GRID2: variants seen among roughly 807,000 people sequenced by gnomAD.
The protein encoded by GRID2 is glutamate ionotropic receptor delta type subunit 2.
In GRID2, 33 loss-of-function variants were observed where a neutral mutation model predicts 114.8. That is an observed-to-expected ratio of 0.29 (90% confidence interval 0.22 to 0.38). GRID2 has a LOEUF of 0.38. GRID2 is among the 10% of genes least tolerant of loss of function. The pLI is 1.00. For synonymous variants in GRID2, 505 were observed against 449.9 expected, an observed-to-expected ratio of 1.12 and a Z score of -1.55; for missense variants, 1,184 against 1,257.7, an observed-to-expected ratio of 0.94 and a Z score of 0.89.
At chr4:93,658,492 T>C (rs757891996) in intron 14 of GRID2, among the ~76,000 whole-genome samples, 3 of 152,130 alleles carry the variant, frequency 2.0e-5, no homozygotes, top group Non-Finnish European at 4.4e-5. Flanking sequence ...AACTACCGTG[T>C]TTTACAAATA....
At chr4:92,573,683 G>T (rs1489390305) in intron 1 of GRID2, among the ~76,000 whole-genome samples, 1 of 152,134 alleles carries the variant, frequency 6.6e-6, no homozygotes, top group Non-Finnish European at 1.5e-5. Context: ...GGGACTGTTT[G>T]TTATTATTTC....
At chr4:93,107,950 T>G (rs1397758108) in intron 3 of GRID2, among the ~76,000 whole-genome samples, 1 of 150,908 alleles carries the variant, frequency 6.6e-6, no homozygotes, top group Non-Finnish European at 1.5e-5. Flanking sequence ...TCTTCCTGTG[T>G]CTCACAGAGA....
chr4:92,921,472 G>C (rs562047578), intron 2 of GRID2, among the ~76,000 whole-genome samples: 66 of 152,036 alleles, frequency 4.3e-4, no homozygotes, highest in Non-Finnish European at 8.7e-4. Context: ...CCTCATCTTT[G>C]TGGTTTTATC....
intron 1 of GRID2, among the ~76,000 whole-genome samples, chr4:92,510,946 T>C (rs1338394643): frequency 6.6e-6 from 1 of 151,012 alleles, no homozygotes; most frequent in Non-Finnish European, 1.5e-5. Context: ...GTCTTAGAAG[T>C]CAAGTAAATA....
intron 8 of GRID2, among the ~76,000 whole-genome samples, chr4:93,293,908 T>C (rs1164501348): frequency 1.3e-5 from 2 of 152,208 alleles, no homozygotes; most frequent in Non-Finnish European, 1.5e-5. Context: ...AAGGAACTTA[T>C]ATTCTAGTGG....
chr4:92,692,778 T>G (rs1448607747), intron 2 of GRID2, among the ~76,000 whole-genome samples: 3 of 152,046 alleles, frequency 2.0e-5, no homozygotes, highest in Non-Finnish European at 4.4e-5. Context: ...ATCCCAGCAC[T>G]TTGGGAGGCA....
At chr4:92,458,463 C>G (rs898435005) in intron 1 of GRID2, among the ~76,000 whole-genome samples, 3 of 152,278 alleles carry the variant, frequency 2.0e-5, no homozygotes, top group East Asian at 3.9e-4. Flanking sequence ...GTCACAGTGG[C>G]ACATGGAGTC....
At chr4:92,488,520 T>C (rs1723000700) in intron 1 of GRID2, among the ~76,000 whole-genome samples, 1 of 152,126 alleles carries the variant, frequency 6.6e-6, no homozygotes. Context: ...TTCTAGACTC[T>C]CATATGAAGC....
At chr4:92,623,873 G>A (rs1366867957) in intron 2 of GRID2, among the ~76,000 whole-genome samples, 2 of 151,482 alleles carry the variant, frequency 1.3e-5, no homozygotes, top group African/African-American at 4.8e-5. Context: ...ATAATTTTTG[G>A]CAGTTTTTTC....
chr4:93,300,991 C>T (rs966588539), intron 8 of GRID2, among the ~76,000 whole-genome samples: 3 of 152,198 alleles, frequency 2.0e-5, no homozygotes, highest in Non-Finnish European at 4.4e-5. Flanking sequence ...TGATTTTTAA[C>T]TACTGGGTTT....
chr4:92,712,509 A>G (rs987131630), intron 2 of GRID2, among the ~76,000 whole-genome samples: 3 of 152,238 alleles, frequency 2.0e-5, no homozygotes, highest in African/African-American at 7.2e-5. Context: ...ATGGTTTCTA[A>G]TTATAGCGAA....
chr4:92,500,890 C>A (rs1219300987), intron 1 of GRID2, among the ~76,000 whole-genome samples: 1 of 152,088 alleles, frequency 6.6e-6, no homozygotes, highest in African/African-American at 2.4e-5. Context: ...ATCAGAGTCT[C>A]CCAGTACTAT....
chr4:93,396,064 T>G (rs1351783334), intron 9 of GRID2, among the ~76,000 whole-genome samples: 1 of 151,980 alleles, frequency 6.6e-6, no homozygotes, highest in African/African-American at 2.4e-5. Flanking sequence ...AAACTATAAA[T>G]GAACATAACC....
chr4:93,553,276 T>C (rs1464056992), intron 13 of GRID2, among the ~76,000 whole-genome samples: 1 of 152,188 alleles, frequency 6.6e-6, no homozygotes, highest in African/African-American at 2.4e-5. Context: ...ATTCTCCACA[T>C]CCTCTCCAGC....
intron 2 of GRID2, among the ~76,000 whole-genome samples, chr4:92,631,965 C>T (rs1730828829): frequency 6.6e-6 from 1 of 152,112 alleles, no homozygotes; most frequent in South Asian, 2.1e-4. Context: ...CTGTAATCAA[C>T]TACAAATAAT....
chr4:93,006,876 C>A (rs1296662880), intron 2 of GRID2, among the ~76,000 whole-genome samples: 1 of 151,566 alleles, frequency 6.6e-6, no homozygotes, highest in Non-Finnish European at 1.5e-5. Context: ...TGAAATTTCT[C>A]TTCCTTCCAA....
intron 1 of GRID2, among the ~76,000 whole-genome samples, chr4:92,361,169 G>T (rs1286338645): frequency 1.3e-5 from 2 of 151,936 alleles, no homozygotes; most frequent in Non-Finnish European, 2.9e-5. Flanking sequence ...GCAATGCTTA[G>T]TGAGATCAAA....
intron 9 of GRID2, among the ~76,000 whole-genome samples, chr4:93,405,454 T>C (rs115054326): frequency 0.012 from 1,892 of 152,210 alleles, 45 homozygotes; most frequent in African/African-American, 0.043. Flanking sequence ...CCTACTTTTC[T>C]CCTCTTGGAA....
chr4:93,455,362 C>G (rs113342443), intron 10 of GRID2, among the ~76,000 whole-genome samples: 8 of 152,074 alleles, frequency 5.3e-5, no homozygotes, highest in Non-Finnish European at 1.0e-4. Context: ...AAATGACCCA[C>G]GAAAAAAGAC....
Sources: allele counts gnomAD v4.1 joint callset (sites outside exome capture counted in the v4.1 genomes callset), GRCh38; gene constraint gnomAD v4.1.1; transcripts MANE v1.5; gene names NCBI Gene and HGNC (gene_info 2026-07-23, HGNC 2026-07-21).